Variants in MGLL observed in about 807,000 individuals in gnomAD.
The protein encoded by MGLL is lysophospholipase homolog.
A neutral mutation model predicts 29.1 loss-of-function variants in MGLL; 7 were observed. The ratio of observed to expected loss-of-function variants is 0.24; its 90% confidence interval spans 0.14 to 0.45. MGLL has a LOEUF of 0.45. MGLL is among the 20% of genes least tolerant of loss of function. The probability of loss-of-function intolerance (pLI) is 0.99; values close to 1 mark genes in which losing one functional copy is unlikely to be tolerated. For synonymous variants in MGLL, 148 were observed against 168.3 expected (o/e 0.88, Z 0.93); for missense variants, 356 against 413.6 (o/e 0.86, Z 1.21).
chr3:127,761,768 T>C lies in MGLL; in HGVS notation c.262+20021A>G, dbSNP rs2076769456. Among the ~76,000 whole-genome samples, 4 of 152,190 alleles carry C rather than the reference T, an allele frequency of 2.6e-5. 1 individual carries two copies. The highest frequency in any genetic ancestry group is 2.0e-4 in the Admixed American group (3 of 15,286). On this transcript the variant is annotated intron_variant, in intron 3 of 7. Transcript: ENST00000265052. This position sits in a 1 kb window ranked among gnomAD's most constrained non-coding sequence, Gnocchi z 4.6. ...CTCCTCGCTTCATCGGCCGGGCCCT[T>C]GGGACCCCAGCTCTTCAGGGAGGGA...
intron 2 of MGLL, among the ~76,000 whole-genome samples, chr3:127,808,345 C>T (rs77957549): frequency 0.024 from 3,581 of 152,212 alleles, 102 homozygotes; most frequent in East Asian, 0.09. Context: ...GTCAGACTTC[C>T]CCCTTGCAGT....
chr3:127,746,619 C>A (rs1291583211), intron 3 of MGLL, among the ~76,000 whole-genome samples: 1 of 152,192 alleles, frequency 6.6e-6, no homozygotes, highest in Non-Finnish European at 1.5e-5. Flanking sequence ...GGACCTCTAG[C>A]TGCACCCCCT....
At chr3:127,816,968 C>T (rs950119490) in intron 2 of MGLL, among the ~76,000 whole-genome samples, 1 of 152,206 alleles carries the variant, frequency 6.6e-6, no homozygotes, top group African/African-American at 2.4e-5. Flanking sequence ...TCCATGTCAC[C>T]GACGGGAAAA....
chr3:127,793,570 AT>A (rs1169790861), intron 2 of MGLL, among the ~76,000 whole-genome samples: 1 of 151,656 alleles, frequency 6.6e-6, no homozygotes, highest in Non-Finnish European at 1.5e-5. Flanking sequence ...AGTCTTCTTC[AT>A]TTTTTTTGAG....
intron 3 of MGLL, among the ~76,000 whole-genome samples, chr3:127,770,532 C>T (rs2076931389): frequency 1.3e-5 from 2 of 152,114 alleles, no homozygotes; most frequent in Admixed American, 1.3e-4. Context: ...GGTCTCTTCA[C>T]CTTTCAGAAA....
At chr3:127,804,170 G>C (rs2077525530) in intron 2 of MGLL, among the ~76,000 whole-genome samples, 1 of 152,228 alleles carries the variant, frequency 6.6e-6, no homozygotes, top group African/African-American at 2.4e-5. Context: ...GGGAAAAGCT[G>C]ATCTGGAGCC....
intron 3 of MGLL, among the ~76,000 whole-genome samples, chr3:127,779,212 C>CA (rs2077084317): frequency 6.6e-6 from 1 of 151,956 alleles, no homozygotes; most frequent in Non-Finnish European, 1.5e-5. Flanking sequence ...ACCAAAAATA[C>CA]AAAAATTAGC....
At chr3:127,794,171 G>A (rs1011048882) in intron 2 of MGLL, among the ~76,000 whole-genome samples, 30 of 151,980 alleles carry the variant, frequency 2.0e-4, no homozygotes, top group African/African-American at 4.1e-4. Context: ...TTAGCTGGGC[G>A]TGGTGGCTTG....
intron 2 of MGLL, among the ~76,000 whole-genome samples, chr3:127,804,565 T>G: frequency 6.6e-6 from 1 of 152,202 alleles, no homozygotes; most frequent in East Asian, 1.9e-4. Context: ...TTCCAACTCC[T>G]CAGAGTCTGT....
At chr3:127,747,444 T>G (rs1339434281) in intron 3 of MGLL, among the ~76,000 whole-genome samples, 1 of 152,254 alleles carries the variant, frequency 6.6e-6, no homozygotes, top group Non-Finnish European at 1.5e-5. Flanking sequence ...CCTGCTGGAC[T>G]GTGTGCTCCT....
chr3:127,704,713 A>G (rs2075565379), intron 6 of MGLL, among the ~76,000 whole-genome samples: 1 of 152,358 alleles, frequency 6.6e-6, no homozygotes, highest in South Asian at 2.1e-4. Context: ...GCCAGTCAGA[A>G]TGGTGATCAT....
At chr3:127,750,484 C>T (rs1041391239) in intron 3 of MGLL, among the ~76,000 whole-genome samples, 9 of 152,242 alleles carry the variant, frequency 5.9e-5, no homozygotes, top group East Asian at 5.8e-4. Context: ...AGTGCAAAAA[C>T]GAGGGAGAGA....
In MGLL at chr3:127,692,137, C is replaced by T; in HGVS notation, c.*61G>A. The T allele has an allele frequency of 7.5e-7, 1 of 1,337,242 alleles. No homozygotes were observed. 82.8% of individuals were successfully genotyped at this position (1,337,242 alleles called of 1,614,324 possible). ...TTTTGGCAAGCCATATCTGAGAAGC[C>T]ATCTCTGCCCTTCCCCTGCCTGCAT... is the stretch of plus-strand genomic sequence containing the variant. On this transcript the variant is annotated 3_prime_UTR_variant, in exon 8 of 8. Coordinates refer to ENST00000265052, the MANE Select transcript of MGLL (RefSeq NM_007283.7).
At chr3:127,764,464 C>G (rs893421402) in intron 3 of MGLL, among the ~76,000 whole-genome samples, 1 of 152,096 alleles carries the variant, frequency 6.6e-6, no homozygotes, top group African/African-American at 2.4e-5. Flanking sequence ...GGACGGAAAG[C>G]CCCCAGGAGA....
chr3:127,736,322 G>T (rs2076241977), intron 3 of MGLL: 2 of 985,854 alleles, frequency 2.0e-6, no homozygotes, highest in Non-Finnish European at 2.4e-6. Flanking sequence ...GAAAGCCTGG[G>T]TGATAAGCAA....
chr3:127,721,896 G>A (rs2075933417), intron 4 of MGLL, among the ~76,000 whole-genome samples: 1 of 152,168 alleles, frequency 6.6e-6, no homozygotes, highest in African/African-American at 2.4e-5. Context: ...TGGGCTGCCA[G>A]TTTAAGGACC....
At chr3:127,740,401 T>C (rs541477018) in intron 3 of MGLL, among the ~76,000 whole-genome samples, 5 of 152,010 alleles carry the variant, frequency 3.3e-5, no homozygotes, top group South Asian at 4.1e-4. Context: ...TAGGACTTCA[T>C]GTAGGTGGAA....
intron 6 of MGLL, among the ~76,000 whole-genome samples, chr3:127,697,871 C>T (rs533783727): frequency 4.6e-5 from 7 of 152,300 alleles, no homozygotes; most frequent in Non-Finnish European, 1.0e-4. Context: ...ACCACCCCAT[C>T]CCATGCTGTC....
chr3:127,700,571 C>T (rs61664369), intron 6 of MGLL, among the ~76,000 whole-genome samples: 7,479 of 152,228 alleles, frequency 0.049, 219 homozygotes, highest in East Asian at 0.12. Context: ...ATGGCCTGCA[C>T]GGTGGCTGGC....
Sources: allele counts gnomAD v4.1 joint callset (sites outside exome capture counted in the v4.1 genomes callset), GRCh38; gene constraint gnomAD v4.1.1; non-coding constraint Gnocchi (gnomAD v3.1); transcripts MANE v1.5; gene names NCBI Gene and HGNC (gene_info 2026-07-23, HGNC 2026-07-21).